The following PCOLCE variants were observed in gnomAD, a reference collection of about 807,000 sequenced individuals.
PCOLCE encodes the protein procollagen C-endopeptidase enhancer.
PCOLCE carries 33 observed loss-of-function variants against 47.2 expected under a neutral mutation model. That is an observed-to-expected ratio of 0.70 (90% CI 0.53 to 0.93). The LOEUF is 0.93. PCOLCE is among the 40% of genes least tolerant of loss of function. The pLI is 0.00. For synonymous variants in PCOLCE, 254 were observed against 252.5 expected (o/e 1.01, Z -0.06); for missense variants, 584 against 585.3 (o/e 1.00, Z 0.02).
chr7:100,606,763 A>G (rs111834249), intron 6 of PCOLCE, 133 bp downstream of exon 6: 11 of 670,882 alleles, frequency 1.6e-5, no homozygotes, highest in African/African-American at 5.4e-5. Context: ...GCTTAAGCCT[A>G]GGAGTTTACC....
In PCOLCE at chr7:100,605,085, C is replaced by A. The variant is rs1217499515; in HGVS notation, c.464-6C>A. The A allele has an allele frequency of 3.1e-6, 5 of 1,608,474 alleles. No individual in the cohort carries two copies. In the African/African-American group the frequency reaches 6.7e-5, roughly 21 times the overall value. On this transcript the variant is annotated splice_region_variant and splice_polypyrimidine_tract_variant and intron_variant, in intron 3 of 8. Coordinates refer to ENST00000223061, the MANE Select transcript of PCOLCE (RefSeq NM_002593.4). This position sits in a 1 kb window ranked among gnomAD's most constrained non-coding sequence, Gnocchi z 6.1. ...CCCCACCCCCGCTCCTCTCTCCCCT[C>A]CCCAGAGCACCAATTTTGCGGGGGG...
chr7:100,607,603 C>T (rs1267444336), intron 7 of PCOLCE, 34 bp from the exon 8 acceptor site: 4 of 1,609,944 alleles, frequency 2.5e-6, no homozygotes, highest in Non-Finnish European at 3.4e-6. Flanking sequence ...TGGAACCTCC[C>T]ATCTCCTCAT....
In PCOLCE at chr7:100,603,465, A is replaced by C. The variant is rs1227203640; in HGVS notation, c.131A>C (p.Glu44Ala). The change falls in exon 2 of 9, where the codon GAA becomes GCA. Residue 44 changes from glutamate (E) to alanine (A), a missense_variant. Transcript: ENST00000223061. The stretch of plus-strand genomic sequence containing the variant: ...CTGTGCGGAGGGGATGTGAAGGGGG[A>C]ATCAGGTTACGTGGCAAGTGAGGGG... ...VFLCGGDVKG[E>A]SGYVASEGFP... 6.2e-7 allele frequency: 1 copy of C among 1,602,082 alleles called. No homozygotes were observed. Among genetic ancestry groups the C allele is most frequent in the Non-Finnish European group, 8.5e-7 (1 of 1,174,612 alleles).
In PCOLCE at chr7:100,602,755, C is replaced by T. The variant is rs1379723734; in HGVS notation, c.95+204C>T. ...TGCAGGCCACCACTGCTCCCATTCC[C>T]CCACCTTCGTCCTCTGGTCTCTTAA... is the stretch of plus-strand genomic sequence containing the variant. On this transcript the variant is annotated intron_variant, in intron 1 of 8. Coordinates refer to ENST00000223061, the MANE Select transcript of PCOLCE (RefSeq NM_002593.4). 5.1e-6 allele frequency: 3 copies of T among 586,216 alleles called. No homozygotes were observed. The East Asian group carries it at 8.6e-5, about 17-fold the overall frequency. 36.3% of individuals were successfully genotyped at this position (586,216 alleles called of 1,614,324 possible).
intron 5 of PCOLCE, chr7:100,606,109 AC>A (rs1393206443): frequency 3.8e-6 from 2 of 530,794 alleles, no homozygotes; most frequent in Non-Finnish European, 6.7e-6. Flanking sequence ...CGGGAGGATC[AC>A]CTGAGCTTAG....
chr7:100,602,723 G>C (rs1056144588), intron 1 of PCOLCE, 172 bp downstream of exon 1: 4 of 606,452 alleles, frequency 6.6e-6, no homozygotes, highest in Admixed American at 2.8e-5. Context: ...GCAAGACCTT[G>C]GTCTCCTGCA....
Position 100,606,400 on chromosome 7 carries a change from C to T in PCOLCE, c.726-16C>T, listed in dbSNP as rs529479367. The T allele has an allele frequency of 3.2e-5, 51 of 1,603,036 alleles. No homozygotes were observed. Among genetic ancestry groups the T allele is most frequent in the Admixed American group, 5.0e-5 (3 of 59,876 alleles). On this transcript the variant is annotated splice_polypyrimidine_tract_variant and intron_variant, in intron 5 of 8. Coordinates refer to ENST00000223061, the MANE Select transcript of PCOLCE (RefSeq NM_002593.4). ...CCGCCCTGACACTTCCCCCAATGCT[C>T]GGTGGCCACCTGCAGCTCCATCTCC... is the stretch of plus-strand genomic sequence containing the variant.
chr7:100,606,343 G>T, intron 5 of PCOLCE, 73 bp from the exon 6 acceptor site: 4 of 1,062,882 alleles, frequency 3.8e-6, no homozygotes, highest in Non-Finnish European at 4.2e-6. Context: ...AAACAAAAAA[G>T]GTCATGGGGC....
chr7:100,608,017 C>G lies in PCOLCE; in HGVS notation c.1264C>G (p.Arg422Gly). The change falls in exon 9 of 9, where the codon CGG becomes GGG. Residue 422 changes from arginine to glycine, a missense_variant. Arg to Gly is a moderately radical substitution (Grantham distance 125). Coordinates refer to ENST00000223061, the MANE Select transcript of PCOLCE (RefSeq NM_002593.4). ...LPPESFVVLH[R>G]PNQDQILTNL... The stretch of plus-strand genomic sequence containing the variant: ...TCCAGAGAGCTTTGTGGTTCTCCAC[C>G]GGCCCAACCAGGACCAGATCCTCAC... 1 of 1,614,078 alleles carries G rather than the reference C, an allele frequency of 6.2e-7. No homozygotes were observed. The highest frequency in any genetic ancestry group is 1.1e-5 in the South Asian group (1 of 91,082).
rs150392369 is a variant in PCOLCE, at chr7:100,603,449, G to A, written c.115G>A (p.Gly39Arg). 6 of 1,603,338 alleles carry A rather than the reference G, an allele frequency of 3.7e-6. No homozygotes were observed. In the South Asian group the frequency reaches 4.4e-5, roughly 12 times the overall value. The change falls in exon 2 of 9, where the codon GGG (glycine) becomes AGG (arginine). Residue 39 changes from glycine (G) to arginine (R), a missense_variant. Transcript: ENST00000223061. ...CTCCAGACCCGTGTTCCTGTGCGGA[G>A]GGGATGTGAAGGGGGAATCAGGTTA... ...NYTRPVFLCG[G>R]DVKGESGYVA...
intron 5 of PCOLCE, chr7:100,606,200 G>C (rs1036715951): frequency 5.5e-5 from 31 of 563,276 alleles, no homozygotes; most frequent in Admixed American, 3.7e-4. Flanking sequence ...GCATGGTGGC[G>C]TGCCTGTAGT....
intron 5 of PCOLCE, 110 bp from the exon 6 acceptor site, chr7:100,606,306 G>A (rs909551107): frequency 4.2e-5 from 30 of 717,748 alleles, no homozygotes; most frequent in East Asian, 8.1e-5. Flanking sequence ...TCAAGCCTGG[G>A]AGACAAAGTG....
chr7:100,605,249 A>T lies in PCOLCE; in HGVS notation c.588+34A>T, dbSNP rs760851412. On this transcript the variant is annotated intron_variant, in intron 4 of 8. Transcript: ENST00000223061. This position sits in a 1 kb window ranked among gnomAD's most constrained non-coding sequence, Gnocchi z 6.1. ...CCTCCTCCCCGGGCTGCCCTAGGGG[A>T]CCCAGGCGGCGCCCTCCAGCTTGCA... 3.2e-6 allele frequency: 5 copies of T among 1,586,110 alleles called. No homozygotes were observed. The Admixed American group carries it at 6.9e-5, about 22-fold the overall frequency.
At chr7:100,603,906 T>C (rs986674774) in intron 2 of PCOLCE, 53 bp from the exon 3 acceptor site, 1 of 1,579,502 alleles carries the variant, frequency 6.3e-7, no homozygotes, top group Non-Finnish European at 8.6e-7. Context: ...GCCCTCTGGC[T>C]GGGTTGTGTG....
chr7:100,605,272 GCAGC>G lies in PCOLCE; in HGVS notation c.588+62_588+65del. 6.5e-7 allele frequency: 1 copy of G among 1,543,294 alleles called. No individual in the cohort carries two copies. On this transcript the variant is annotated intron_variant, in intron 4 of 8. Coordinates refer to ENST00000223061, the MANE Select transcript of PCOLCE (RefSeq NM_002593.4). This position sits in a 1 kb window ranked among gnomAD's most constrained non-coding sequence, Gnocchi z 6.1. ...GGACCCAGGCGGCGCCCTCCAGCTTGCAGCCAGCAGAGATTTATTGAAGATCTGC... is the reference window on the plus strand; with the variant it reads ...GGACCCAGGCGGCGCCCTCCAGCTTGCAGCAGAGATTTATTGAAGATCTGC...
rs781259917 is a variant in PCOLCE at position 100,605,223 on chromosome 7, C to A, written c.588+8C>A. On this transcript the variant is annotated splice_region_variant and intron_variant, in intron 4 of 8. Coordinates refer to ENST00000223061, the MANE Select transcript of PCOLCE (RefSeq NM_002593.4). This position sits in a 1 kb window ranked among gnomAD's most constrained non-coding sequence, Gnocchi z 6.1. ...ATCGCGCCCCCGGACCAGGTACCGA[C>A]CCTCCTCCCCGGGCTGCCCTAGGGG... 6 of 1,609,042 alleles carry A rather than the reference C, an allele frequency of 3.7e-6. No homozygotes were observed. The Admixed American group carries it at 1.0e-4, about 27-fold the overall frequency.
intron 1 of PCOLCE, chr7:100,602,988 T>C: frequency 4.1e-6 from 1 of 241,378 alleles, no homozygotes; most frequent in South Asian, 7.0e-5. Context: ...GAGCCTGGCC[T>C]CCAGGTTCAA....
At position 100,605,869 on chromosome 7, in the gene PCOLCE, G is replaced by A; in HGVS notation, c.725+57G>A. 1 of 1,523,362 alleles carries A rather than the reference G, an allele frequency of 6.6e-7. No individual in the cohort carries two copies. The highest frequency in any genetic ancestry group is 8.9e-7 in the Non-Finnish European group (1 of 1,126,608). 94.4% of individuals were successfully genotyped at this position (1,523,362 alleles called of 1,614,324 possible). A position where few individuals can be genotyped will look rare whatever the true frequency, so the allele number is the denominator to read the frequency against. On this transcript the variant is annotated intron_variant, in intron 5 of 8. Coordinates refer to ENST00000223061, the MANE Select transcript of PCOLCE (RefSeq NM_002593.4). This position sits in a 1 kb window ranked among gnomAD's most constrained non-coding sequence, Gnocchi z 6.1. ...AGAGTCGGCGGACCGCACGCACGCG[G>A]CTGTTTGGAGGGGCGGGGTTCAGCT...
In PCOLCE at chr7:100,605,923, C is replaced by G. The variant is rs184488250; in HGVS notation, c.725+111C>G. On this transcript the variant is annotated intron_variant, in intron 5 of 8. Coordinates refer to ENST00000223061, the MANE Select transcript of PCOLCE (RefSeq NM_002593.4). This position sits in a 1 kb window ranked among gnomAD's most constrained non-coding sequence, Gnocchi z 6.1. ...GGGACGGGATCTGAACCCCAGGGCT[C>G]CAAACCGGCGAGGGGAGCAGGTTGG... 12,120 of 1,254,620 alleles carry G rather than the reference C, an allele frequency of 9.7e-3. 74 individuals carry two copies. The highest frequency in any genetic ancestry group is 0.012 in the Non-Finnish European group (10,732 of 914,642). The allele number at this position is 1,254,620 out of a possible 1,614,324, so 77.7% of individuals were successfully genotyped here. A position where few individuals can be genotyped will look rare whatever the true frequency, so the allele number is the denominator to read the frequency against.
Sources: gnomAD v4.1 joint callset for allele counts on GRCh38, gnomAD v4.1.1 for gene constraint, Gnocchi (gnomAD v3.1) non-coding constraint, MANE v1.5 for transcripts, NCBI Gene and HGNC (gene_info 2026-07-23, HGNC 2026-07-21) for gene names.